The following PRPF39 variants were observed in gnomAD, a reference collection of about 807,000 sequenced individuals.
PRPF39 encodes pre-mRNA processing factor 39.
PRPF39 carries 27 observed loss-of-function variants against 82.1 expected under a neutral mutation model. The observed-to-expected ratio is 0.33, with a 90% confidence interval of 0.24 to 0.45. PRPF39 has a LOEUF of 0.45. PRPF39 is among the 20% of genes least tolerant of loss of function. The probability of loss-of-function intolerance (pLI) is 1.00; values close to 1 mark genes in which losing one functional copy is unlikely to be tolerated. For missense variants in PRPF39, 581 were observed against 796.9 expected (o/e 0.73, Z 3.26); for synonymous variants, 261 against 256.4 (o/e 1.02, Z -0.17).
chr14:45,098,503 T>C (rs1002373371), intron 4 of PRPF39, among the ~76,000 whole-genome samples: 2 of 152,164 alleles, frequency 1.3e-5, no homozygotes, highest in Non-Finnish European at 2.9e-5. Flanking sequence ...TTCATCATAC[T>C]GTCTTTTCAT....
chr14:45,107,669 C>G, intron 6 of PRPF39, 53 bp downstream of exon 6: 1 of 1,501,958 alleles, frequency 6.7e-7, no homozygotes, highest in Non-Finnish European at 9.0e-7. Flanking sequence ...TGGCTTATGC[C>G]TGTAATCGCA....
At chr14:45,084,820 A>G (rs531742961) in intron 1 of PRPF39, among the ~76,000 whole-genome samples, 2 of 152,314 alleles carry the variant, frequency 1.3e-5, no homozygotes, top group Admixed American at 1.3e-4. Flanking sequence ...GTGCTTAAGA[A>G]TGTTTAACTT....
Position 45,110,901 on chromosome 14 carries a change from A to G in PRPF39, c.1572+84A>G, listed in dbSNP as rs949729330. ...TTCACTGTGGCAACTGTGATGAAAG[A>G]TTTGGTCTGTATGTAATAGATTTTA... On this transcript the variant is annotated intron_variant, in intron 10 of 13. Coordinates refer to ENST00000355765, the MANE Select transcript of PRPF39 (RefSeq NM_017922.4). This position sits in a 1 kb window ranked among gnomAD's most constrained non-coding sequence, Gnocchi z 4.0. 1 of 1,292,164 alleles carries G rather than the reference A, an allele frequency of 7.7e-7. No homozygotes were observed. The highest frequency in any genetic ancestry group is 1.1e-6 in the Non-Finnish European group (1 of 947,380). The allele number at this position is 1,292,164 out of a possible 1,614,324, so 80.0% of individuals were successfully genotyped here. A position where few individuals can be genotyped will look rare whatever the true frequency, so the allele number is the denominator to read the frequency against.
chr14:45,099,634 CAG>C (rs1330479769), intron 4 of PRPF39, among the ~76,000 whole-genome samples: 18 of 151,970 alleles, frequency 1.2e-4, no homozygotes, highest in African/African-American at 4.4e-4. Flanking sequence ...TTAGTAGAGA[CAG>C]GGTTTCACCG....
At position 45,107,640 on chromosome 14, in the gene PRPF39, C is replaced by T. The variant is rs1442079676; in HGVS notation, c.903+24C>T. On this transcript the variant is annotated intron_variant, in intron 6 of 13. Coordinates refer to ENST00000355765, the MANE Select transcript of PRPF39 (RefSeq NM_017922.4). ...AGGTAACCAGTCTTATTCTAAAGTT[C>T]GTCAGTGGCCAGGTATGGTGGCTTA... 29 of 1,543,830 alleles carry T rather than the reference C, an allele frequency of 1.9e-5. 1 individual carries two copies. In the South Asian group the frequency reaches 2.4e-4, roughly 13 times the overall value.
In PRPF39 at chr14:45,092,909, TA is replaced by T. The variant is rs113629094; in HGVS notation, c.-19-2302del. Among the ~76,000 whole-genome samples the T allele has an allele frequency of 2.0e-3, 304 of 149,688 alleles. 1 individual carries two copies. Among genetic ancestry groups the T allele is most frequent in the East Asian group, 0.011 (57 of 5,104 alleles). On this transcript the variant is annotated intron_variant, in intron 1 of 13. Coordinates refer to ENST00000355765, the MANE Select transcript of PRPF39 (RefSeq NM_017922.4). ...TATAGTATGGTAGTCATAAAATTGT[TA>T]AAAAAAAAATGTATCCAGTCAACTT...
chr14:45,085,112 T>A (rs1225737670), intron 1 of PRPF39, among the ~76,000 whole-genome samples: 1 of 152,192 alleles, frequency 6.6e-6, no homozygotes, highest in African/African-American at 2.4e-5. Context: ...GACAGGGACG[T>A]ATGAAGCTCA....
chr14:45,097,409 C>T (rs1198457395), intron 4 of PRPF39, among the ~76,000 whole-genome samples: 1 of 152,010 alleles, frequency 6.6e-6, no homozygotes, highest in African/African-American at 2.4e-5. Flanking sequence ...CCAAAGTACT[C>T]TATTTCACCA....
Position 45,116,175 on chromosome 14 carries a change from C to T in PRPF39, c.*1262C>T, listed in dbSNP as rs1594739447. ...AAGTTTTATCATTGTTGCTAATATC[C>T]TTAGAGCTGAAGCACTGCTATTTCA... On this transcript the variant is annotated 3_prime_UTR_variant, in exon 14 of 14. Transcript: ENST00000355765. 2.5e-6 allele frequency: 4 copies of T among 1,573,156 alleles called. No individual in the cohort carries two copies. The highest frequency in any genetic ancestry group is 1.7e-5 in the Admixed American group (1 of 59,884).
chr14:45,099,889 G>A (rs1001773907), intron 4 of PRPF39, among the ~76,000 whole-genome samples: 4 of 151,976 alleles, frequency 2.6e-5, no homozygotes, highest in Admixed American at 2.0e-4. Context: ...TTCCCAGGAC[G>A]GTTTCCTCTC....
At chr14:45,112,231 T>C (rs1164672156) in intron 10 of PRPF39, 87 bp from the exon 11 acceptor site, 1 of 1,141,380 alleles carries the variant, frequency 8.8e-7, no homozygotes, top group African/African-American at 1.6e-5. Flanking sequence ...TTTTTTCAAA[T>C]TGAGACATAA....
chr14:45,104,448 C>T (rs1466966192), intron 5 of PRPF39, among the ~76,000 whole-genome samples: 1 of 151,620 alleles, frequency 6.6e-6, no homozygotes, highest in East Asian at 1.9e-4. Context: ...TTTTCCATAA[C>T]ACATGCCTCT....
In PRPF39 at chr14:45,110,240, G is replaced by C. The variant is rs1884660943; in HGVS notation, c.1303+20G>C. The C allele has an allele frequency of 1.9e-6, 3 of 1,611,824 alleles. No individual in the cohort carries two copies. The highest frequency in any genetic ancestry group is 1.7e-5 in the Admixed American group (1 of 59,742). ...AGCAGGGTAAGAGTGGAGAAATTCA[G>C]TTGACATTTTTGAGATTTTAAGTTA... On this transcript the variant is annotated intron_variant, in intron 9 of 13. Coordinates refer to ENST00000355765, the MANE Select transcript of PRPF39 (RefSeq NM_017922.4). The surrounding 1 kb of genome is among the most constrained non-coding windows in gnomAD (Gnocchi z 4.0).
chr14:45,095,648 G>A, intron 2 of PRPF39, 85 bp downstream of exon 2: 1 of 1,408,090 alleles, frequency 7.1e-7, no homozygotes, highest in African/African-American at 1.4e-5. Context: ...TATTGTTTAT[G>A]ATTAAAATTG....
At chr14:45,100,801 G>C (rs1884351742) in intron 4 of PRPF39, among the ~76,000 whole-genome samples, 1 of 152,110 alleles carries the variant, frequency 6.6e-6, no homozygotes, top group Non-Finnish European at 1.5e-5. Flanking sequence ...ATCATATGGA[G>C]TTTTATTTTT....
intron 1 of PRPF39, among the ~76,000 whole-genome samples, chr14:45,091,018 T>C (rs1007818832): frequency 6.6e-6 from 1 of 152,150 alleles, no homozygotes; most frequent in Non-Finnish European, 1.5e-5. Flanking sequence ...TATTCTTTCT[T>C]AGGAAAAAAA....
At chr14:45,114,287 C>A (rs769141046) in intron 12 of PRPF39, 30 bp downstream of exon 12, 1 of 1,505,544 alleles carries the variant, frequency 6.6e-7, no homozygotes, top group Admixed American at 1.9e-5. Flanking sequence ...GTCAAGAAGG[C>A]GTGCTTCATT....
chr14:45,114,939 A>C lies in PRPF39; in HGVS notation c.*26A>C. ...TGGGAAAAATGTAAATTTCAAATGC[A>C]GTGTGTGAAAAGTATGAAATTATTA... On this transcript the variant is annotated 3_prime_UTR_variant, in exon 14 of 14. Transcript: ENST00000355765. 1 of 1,535,042 alleles carries C rather than the reference A, an allele frequency of 6.5e-7. No homozygotes were observed. Among genetic ancestry groups the C allele is most frequent in the Non-Finnish European group, 9.0e-7 (1 of 1,109,014 alleles).
chr14:45,087,838 C>T (rs557802667), intron 1 of PRPF39, among the ~76,000 whole-genome samples: 2 of 150,762 alleles, frequency 1.3e-5, no homozygotes, highest in South Asian at 2.1e-4. Flanking sequence ...CCGCCCGCCT[C>T]AGCCTCCCAA....
Sources: gnomAD v4.1 joint callset for allele counts (sites outside exome capture counted in the v4.1 genomes callset) on GRCh38, gnomAD v4.1.1 for gene constraint, Gnocchi (gnomAD v3.1) non-coding constraint, MANE v1.5 for transcripts, NCBI Gene and HGNC (gene_info 2026-07-23, HGNC 2026-07-21) for gene names.